The following PFKM variants were observed in gnomAD, a reference collection of about 807,000 sequenced individuals.
PFKM encodes the protein ATP-dependent 6-phosphofructokinase, muscle type.
In PFKM, 58 loss-of-function variants were observed where a neutral mutation model predicts 95.5. That is an observed-to-expected ratio of 0.61 (90% CI 0.49 to 0.76). The LOEUF (loss-of-function observed/expected upper bound fraction) is 0.76. Among genes scored for constraint, PFKM ranks in the 30% least tolerant of loss-of-function variants. The pLI is 0.00. For missense variants in PFKM, 678 were observed against 1,005.4 expected, an observed-to-expected ratio of 0.67 and a Z score of 4.40; for synonymous variants, 336 against 357.2, an observed-to-expected ratio of 0.94 and a Z score of 0.67.
chr12:48,145,757 AC>A lies in PFKM; in HGVS notation c.*52del. On this transcript the variant is annotated 3_prime_UTR_variant, in exon 23 of 23. Transcript: ENST00000359794. This position sits in a 1 kb window ranked among gnomAD's most constrained non-coding sequence, Gnocchi z 4.3. ...GATTACCTGATCATGGTCAGCTCAC[AC>A]CCTAATAAGTCCACATCTTCTCAGT... The A allele has an allele frequency of 6.3e-7, 1 of 1,582,444 alleles. No homozygotes were observed. Among genetic ancestry groups the A allele is most frequent in the Non-Finnish European group, 8.7e-7 (1 of 1,151,466 alleles).
chr12:48,117,656 T>C (rs2137720260), upstream of PFKM, among the ~76,000 whole-genome samples: 1 of 152,326 alleles, frequency 6.6e-6, no homozygotes, highest in African/African-American at 2.4e-5. Context: ...CATTTTTAAA[T>C]TGAGGTATTT....
Position 48,138,910 on chromosome 12 carries a change from C to T in PFKM, c.1063-375C>T, listed in dbSNP as rs559089344. Among the ~76,000 whole-genome samples, 45 of 152,226 alleles carry T rather than the reference C, an allele frequency of 3.0e-4. No homozygotes were observed. In the Middle Eastern group the frequency reaches 0.01, roughly 35 times the overall value. On this transcript the variant is annotated intron_variant, in intron 11 of 22. Coordinates refer to ENST00000359794, the MANE Select transcript of PFKM (RefSeq NM_000289.6). ...AAAAAATTAGCCGGGTGTGGTTGCACACGCCTATAATCCCAGCTACTTGGG... is the reference window on the plus strand; with the variant it reads ...AAAAAATTAGCCGGGTGTGGTTGCATACGCCTATAATCCCAGCTACTTGGG...
intron 1 of PFKM, among the ~76,000 whole-genome samples, chr12:48,121,594 C>A (rs1948279243): frequency 6.6e-6 from 1 of 152,162 alleles, no homozygotes; most frequent in Non-Finnish European, 1.5e-5. Context: ...CAAGCACAAG[C>A]TGCCCGTAAA....
At chr12:48,118,332 C>G (rs1947855869), upstream of PFKM, 2 of 584,682 alleles carry the variant, frequency 3.4e-6, no homozygotes, top group Admixed American at 2.8e-5. Context: ...AGCCCCTTAT[C>G]AGATACATGA....
Position 48,145,582 on chromosome 12 carries a change from A to G in PFKM, c.2217A>G (p.Glu739=), listed in dbSNP as rs1950977568. The change falls in exon 23 of 23, where the codon GAA becomes GAG. Residue 739 remains glutamate (E), a synonymous_variant. Coordinates refer to ENST00000359794, the MANE Select transcript of PFKM (RefSeq NM_000289.6). The surrounding 1 kb of genome is among the most constrained non-coding windows in gnomAD (Gnocchi z 4.3). ...QTDFEHRIPK[E]QWWLKLRPIL... is the part of the protein sequence containing the mutation. ...TCTGTAGGCATCGAATCCCCAAGGA[A>G]CAGTGGTGGCTGAAACTGAGGCCCA... is the stretch of plus-strand genomic sequence containing the variant. 1 of 1,614,096 alleles carries G rather than the reference A, an allele frequency of 6.2e-7. No individual in the cohort carries two copies. The highest frequency in any genetic ancestry group is 1.3e-5 in the African/African-American group (1 of 75,026).
chr12:48,146,125 A>T lies in PFKM; in HGVS notation c.*417A>T, dbSNP rs543335770. 34 of 247,528 alleles carry T rather than the reference A, an allele frequency of 1.4e-4. No individual in the cohort carries two copies. The South Asian group carries it at 1.7e-3, about 12-fold the overall frequency. 15.3% of individuals were successfully genotyped at this position (247,528 alleles called of 1,614,324 possible). ...CTGTGCTTTTGCTTCTCCTGTTATC[A>T]TCTTCCTAAGTGGAATGTAATACTG... On this transcript the variant is annotated 3_prime_UTR_variant, in exon 23 of 23. Transcript: ENST00000359794.
At chr12:48,138,998 G>GC (rs1950345679) in intron 11 of PFKM, among the ~76,000 whole-genome samples, 1 of 152,070 alleles carries the variant, frequency 6.6e-6, no homozygotes, top group Non-Finnish European at 1.5e-5. Flanking sequence ...CCAAGATCAC[G>GC]CCACTGCACT....
At chr12:48,114,703 T>G (rs11168412), upstream of PFKM, among the ~76,000 whole-genome samples, 19,836 of 151,956 alleles carry the variant, frequency 0.13, 1,374 homozygotes, top group Middle Eastern at 0.2. Context: ...GAACACAGAC[T>G]AGGGAGGGAA....
chr12:48,126,734 A>G (rs965200474), intron 2 of PFKM, among the ~76,000 whole-genome samples: 3 of 152,240 alleles, frequency 2.0e-5, no homozygotes, highest in African/African-American at 7.2e-5. Context: ...ATTTCCTGAA[A>G]TTACAAATTC....
intron 15 of PFKM, 171 bp downstream of exon 15, chr12:48,141,552 G>A: frequency 1.3e-6 from 1 of 766,718 alleles, no homozygotes; most frequent in Admixed American, 2.0e-5. Flanking sequence ...ATCTTTAGCA[G>A]CTCTGGCAAC....
intron 18 of PFKM, 133 bp from the exon 19 acceptor site, chr12:48,143,620 G>A (rs1950770865): frequency 1.3e-6 from 1 of 746,044 alleles, no homozygotes; most frequent in East Asian, 2.6e-5. Context: ...ATTAGGCACA[G>A]TTCAGGCCCA....
rs1463314665 is a variant in PFKM at position 48,133,051 on chromosome 12, A to G, written c.421A>G (p.Lys141Glu). The change falls in exon 5 of 23, where the codon AAA (lysine) becomes GAA (glutamate). Residue 141 changes from lysine (K) to glutamate (E), a missense_variant. Physicochemically the swap from Lys to Glu is moderately conservative, Grantham distance 56. Transcript: ENST00000359794. ...EWSDLLSDLQ[K>E]AGKITDEEAT... is the part of the protein sequence containing the mutation. ...GAGTGACTTGTTGAGTGACCTCCAG[A>G]AAGCAGGTAAGAGAGTTTTCACATC... is the stretch of plus-strand genomic sequence containing the variant. 6.2e-7 allele frequency: 1 copy of G among 1,613,964 alleles called. No individual in the cohort carries two copies. The highest frequency in any genetic ancestry group is 8.5e-7 in the Non-Finnish European group (1 of 1,179,938).
chr12:48,132,519 A>G (rs1300089035), intron 4 of PFKM, among the ~76,000 whole-genome samples: 1 of 152,240 alleles, frequency 6.6e-6, no homozygotes, highest in Non-Finnish European at 1.5e-5. Flanking sequence ...GAATTTCTAA[A>G]GACTGAAGTC....
rs1406800853 is a variant in PFKM at position 48,134,814 on chromosome 12, T to C, written c.732T>C (p.Cys244=). The C allele has an allele frequency of 8.7e-6, 14 of 1,613,902 alleles. No individual in the cohort carries two copies. Among genetic ancestry groups the C allele is most frequent in the Non-Finnish European group, 1.2e-5 (14 of 1,179,780 alleles). ...PPDDDWEEHL[C]RRLSETRTRG... The stretch of plus-strand genomic sequence containing the variant: ...ATGACGACTGGGAGGAACACCTTTG[T>C]CGCCGACTCAGCGAGGTACTTGCAC... Residue 244 remains cysteine, a synonymous_variant, in exon 8 of 23, where the codon TGT becomes TGC. Coordinates refer to ENST00000359794, the MANE Select transcript of PFKM (RefSeq NM_000289.6).
At chr12:48,144,989 T>G in intron 20 of PFKM, 42 bp from the exon 21 acceptor site, 3 of 1,368,988 alleles carry the variant, frequency 2.2e-6, no homozygotes, top group Non-Finnish European at 3.1e-6. Context: ...TGCCACTTCA[T>G]TAGAGTCCTT....
rs1227721999 is a variant in PFKM, at chr12:48,133,300, G to C, written c.428-15G>C. On this transcript the variant is annotated splice_polypyrimidine_tract_variant and intron_variant, in intron 5 of 22. Coordinates refer to ENST00000359794, the MANE Select transcript of PFKM (RefSeq NM_000289.6). ...TGCCTCACCCAGTGGCTCCTGGTTT[G>C]CTTCTCATTGTCAGGTAAGATCACA... The C allele has an allele frequency of 6.2e-7, 1 of 1,613,278 alleles. No individual in the cohort carries two copies. The highest frequency in any genetic ancestry group is 1.3e-5 in the African/African-American group (1 of 74,996).
At position 48,132,978 on chromosome 12, in the gene PFKM, T is replaced by TG; in HGVS notation, c.353dup (p.Asp119Ter). Reference sequence around the variant, plus strand: ...GTGGGATCACCAATCTCTGTGTCATTGGGGGTGATGGCAGCCTCACTGGGG... The same window carrying TG: ...GTGGGATCACCAATCTCTGTGTCATTGGGGGGTGATGGCAGCCTCACTGGGG... On this transcript the variant is annotated frameshift_variant, in exon 5 of 23. Coordinates refer to ENST00000359794, the MANE Select transcript of PFKM (RefSeq NM_000289.6). LOFTEE classifies it high-confidence loss of function. 2.5e-6 allele frequency: 4 copies of TG among 1,614,116 alleles called. No homozygotes were observed. Among genetic ancestry groups the TG allele is most frequent in the Non-Finnish European group, 3.4e-6 (4 of 1,179,998 alleles).
At chr12:48,142,193 C>G (rs964898757) in intron 17 of PFKM, 127 bp downstream of exon 17, 2 of 1,022,534 alleles carry the variant, frequency 2.0e-6, no homozygotes, top group South Asian at 1.3e-5. Context: ...GATTCTTCAG[C>G]TGGGCATGGT....
intron 3 of PFKM, among the ~76,000 whole-genome samples, chr12:48,112,466 G>A (rs1947279651): frequency 6.6e-6 from 1 of 152,234 alleles, no homozygotes; most frequent in African/African-American, 2.4e-5. Flanking sequence ...CCTGACTGAA[G>A]TAATGGGGGC....
Sources: allele counts gnomAD v4.1 joint callset (sites outside exome capture counted in the v4.1 genomes callset), GRCh38; gene constraint gnomAD v4.1.1; non-coding constraint Gnocchi (gnomAD v3.1); transcripts MANE v1.5; gene names NCBI Gene and HGNC (gene_info 2026-07-23, HGNC 2026-07-21).